The following RALGPS2 variants were observed in gnomAD, a reference collection of about 807,000 sequenced individuals.
RALGPS2 encodes the protein Ral GEF with PH domain and SH3 binding motif 2.
In RALGPS2, 43 loss-of-function variants were observed where a neutral mutation model predicts 86.8. The ratio of observed to expected loss-of-function variants is 0.50; its 90% CI spans 0.39 to 0.64. RALGPS2 has a LOEUF of 0.64. Among genes scored for constraint, RALGPS2 ranks in the 30% least tolerant of loss-of-function variants. The pLI is 0.00. For missense variants in RALGPS2, 536 were observed against 694.6 expected (o/e 0.77, Z 2.57); for synonymous variants, 243 against 231.3 (o/e 1.05, Z -0.46).
intron 9 of RALGPS2, among the ~76,000 whole-genome samples, chr1:178,878,610 T>C (rs1354047997): frequency 6.6e-6 from 1 of 152,168 alleles, no homozygotes; most frequent in Non-Finnish European, 1.5e-5. Context: ...ATGTCTTCTG[T>C]TTAGTTTAGA....
intron 8 of RALGPS2, among the ~76,000 whole-genome samples, chr1:178,876,313 AT>A (rs898907993): frequency 1.7e-4 from 26 of 151,746 alleles, no homozygotes; most frequent in African/African-American, 5.3e-4. Context: ...AATATAAGTA[AT>A]TTTTTTTTAA....
chr1:178,826,151 C>T (rs1448064852), intron 7 of RALGPS2, among the ~76,000 whole-genome samples: 1 of 152,046 alleles, frequency 6.6e-6, no homozygotes, highest in African/African-American at 2.4e-5. Context: ...ACCAAAAAGA[C>T]AACAACATTC....
intron 1 of RALGPS2, chr1:178,726,010 T>C (rs921413044): frequency 2.0e-5 from 3 of 152,012 alleles, no homozygotes; most frequent in African/African-American, 7.2e-5. Context: ...CCGGAGGGGC[T>C]GCGTCCTGTG....
chr1:178,762,829 T>A (rs1652320838), intron 1 of RALGPS2, among the ~76,000 whole-genome samples: 1 of 152,246 alleles, frequency 6.6e-6, no homozygotes. Flanking sequence ...TCTTTTGCTG[T>A]GCAGAAGCTC....
chr1:178,813,427 T>G (rs191974954), intron 6 of RALGPS2, among the ~76,000 whole-genome samples: 128 of 152,330 alleles, frequency 8.4e-4, no homozygotes, highest in Admixed American at 1.7e-3. Context: ...TTGACAGCAC[T>G]TGCCTTCATC....
At chr1:178,832,728 A>G (rs926269206) in intron 7 of RALGPS2, among the ~76,000 whole-genome samples, 1 of 152,062 alleles carries the variant, frequency 6.6e-6, no homozygotes, top group African/African-American at 2.4e-5. Context: ...AATGATTTGA[A>G]AAACTATTTC....
At chr1:178,901,004 C>G (rs550171456) in intron 17 of RALGPS2, among the ~76,000 whole-genome samples, 130 of 152,166 alleles carry the variant, frequency 8.5e-4, no homozygotes, top group Admixed American at 5.2e-4. Flanking sequence ...TATGAGCTGT[C>G]AAATCAGCAG....
chr1:178,741,521 G>A (rs1651024809), intron 1 of RALGPS2, among the ~76,000 whole-genome samples: 1 of 152,114 alleles, frequency 6.6e-6, no homozygotes, highest in African/African-American at 2.4e-5. Context: ...CAAAGACATA[G>A]TATACCTCAG....
intron 8 of RALGPS2, among the ~76,000 whole-genome samples, chr1:178,845,853 C>G (rs947055272): frequency 2.0e-5 from 3 of 152,146 alleles, no homozygotes; most frequent in Non-Finnish European, 2.9e-5. Flanking sequence ...TATCATTAAC[C>G]TCATGAATAA....
At position 178,786,728 on chromosome 1, in the gene RALGPS2, A is replaced by G. The variant is rs142298002; in HGVS notation, c.213+1121A>G. The stretch of plus-strand genomic sequence containing the variant: ...AAGTCATTGATAATCCTGAAATTCA[A>G]TACTACAAAATAGATACAATTTTAG... On this transcript the variant is annotated intron_variant, in intron 4 of 19. Coordinates refer to ENST00000367635, the MANE Select transcript of RALGPS2 (RefSeq NM_152663.5). Among the ~76,000 whole-genome samples the G allele has an allele frequency of 1.7e-4, 26 of 152,128 alleles. No homozygotes were observed. The East Asian group carries it at 3.7e-3, about 21-fold the overall frequency.
chr1:178,826,333 A>G (rs60624786), intron 7 of RALGPS2, among the ~76,000 whole-genome samples: 14,819 of 152,284 alleles, frequency 0.097, 1,607 homozygotes, highest in African/African-American at 0.27. Context: ...TAGACAAAAT[A>G]TAGTTTATAC....
intron 14 of RALGPS2, among the ~76,000 whole-genome samples, chr1:178,890,495 G>A (rs1247369373): frequency 4.6e-5 from 7 of 151,744 alleles, no homozygotes; most frequent in Admixed American, 1.3e-4. Context: ...TTACTCAAGC[G>A]GGTCATTTAG....
chr1:178,869,491 C>T (rs1365615036), intron 8 of RALGPS2, among the ~76,000 whole-genome samples: 2 of 152,006 alleles, frequency 1.3e-5, no homozygotes, highest in Non-Finnish European at 2.9e-5. Context: ...TAAATGCCTG[C>T]CTTAAGACAG....
chr1:178,889,637 T>C lies in RALGPS2; in HGVS notation c.1193-5T>C. On this transcript the variant is annotated splice_region_variant and splice_polypyrimidine_tract_variant and intron_variant, in intron 13 of 19. Coordinates refer to ENST00000367635, the MANE Select transcript of RALGPS2 (RefSeq NM_152663.5). ...TTTAAAAAATAGGATAACTTTTCAT[T>C]TTAGGTAGCAGCGATGGTTCTGAAC... 1 of 1,596,184 alleles carries C rather than the reference T, an allele frequency of 6.3e-7. No individual in the cohort carries two copies. The highest frequency in any genetic ancestry group is 1.1e-5 in the South Asian group (1 of 89,272).
At chr1:178,873,007 A>G (rs1326883815) in intron 8 of RALGPS2, among the ~76,000 whole-genome samples, 1 of 152,158 alleles carries the variant, frequency 6.6e-6, no homozygotes, top group Non-Finnish European at 1.5e-5. Flanking sequence ...ACCAGCTTAC[A>G]AGAAACATGA....
chr1:178,778,133 C>A (rs1400156449), intron 2 of RALGPS2, among the ~76,000 whole-genome samples: 1 of 127,242 alleles, frequency 7.9e-6, no homozygotes, highest in Non-Finnish European at 1.6e-5. Context: ...AAAATTTTCA[C>A]AACCTACTCA....
chr1:178,820,278 C>T (rs963565162), intron 6 of RALGPS2, among the ~76,000 whole-genome samples: 2 of 152,138 alleles, frequency 1.3e-5, no homozygotes, highest in African/African-American at 4.8e-5. Flanking sequence ...CGATGCCTGG[C>T]ATTCAGTTAT....
intron 8 of RALGPS2, chr1:178,864,882 A>G (rs1013294830): frequency 5.4e-5 from 56 of 1,040,062 alleles, no homozygotes; most frequent in Non-Finnish European, 6.7e-5. Context: ...AGCATTTATT[A>G]TGAGCATTGT....
At chr1:178,754,180 T>C (rs909727573) in intron 1 of RALGPS2, among the ~76,000 whole-genome samples, 56 of 151,910 alleles carry the variant, frequency 3.7e-4, no homozygotes, top group African/African-American at 1.2e-3. Context: ...GAATTTACAG[T>C]GTATTAGGGT....
Sources: allele counts gnomAD v4.1 joint callset (sites outside exome capture counted in the v4.1 genomes callset), GRCh38; gene constraint gnomAD v4.1.1; transcripts MANE v1.5; gene names NCBI Gene and HGNC (gene_info 2026-07-23, HGNC 2026-07-21).